UIMC1: variants seen among roughly 807,000 people sequenced by gnomAD.
The protein encoded by UIMC1 is ubiquitin interaction motif containing 1.
A neutral mutation model predicts 84.9 loss-of-function variants in UIMC1; 42 were observed. That is an observed-to-expected ratio of 0.49 (90% CI 0.39 to 0.64). The LOEUF (loss-of-function observed/expected upper bound fraction) is 0.64. Among genes scored for constraint, UIMC1 ranks in the 30% least tolerant of loss-of-function variants. UIMC1 has a pLI of 0.00. For synonymous variants in UIMC1, 281 were observed against 293.0 expected, an observed-to-expected ratio of 0.96 and a Z score of 0.42; for missense variants, 825 against 847.6, an observed-to-expected ratio of 0.97 and a Z score of 0.33.
intron 1 of UIMC1, among the ~76,000 whole-genome samples, chr5:176,994,728 G>A (rs1300739248): frequency 6.6e-6 from 1 of 152,086 alleles, no homozygotes. Flanking sequence ...GAATGGTGCG[G>A]TGGGAATGTG....
intron 10 of UIMC1, among the ~76,000 whole-genome samples, chr5:176,929,755 A>G (rs1161834693): frequency 6.6e-6 from 1 of 152,198 alleles, no homozygotes; most frequent in African/African-American, 2.4e-5. Context: ...ACACACACAC[A>G]AAGTCCTTTT....
chr5:177,008,012 G>C (rs1407372050), upstream of UIMC1, among the ~76,000 whole-genome samples: 7 of 151,816 alleles, frequency 4.6e-5, no homozygotes, highest in Non-Finnish European at 8.8e-5. Context: ...GGCTGAGGCA[G>C]GAAAATCGCT....
At chr5:176,948,656 G>A (rs1765436918) in intron 9 of UIMC1, among the ~76,000 whole-genome samples, 1 of 152,142 alleles carries the variant, frequency 6.6e-6, no homozygotes, top group South Asian at 2.1e-4. Flanking sequence ...TGTATCCCAA[G>A]AGTCTAAAAC....
At chr5:176,919,000 C>A (rs1047432575) in intron 10 of UIMC1, among the ~76,000 whole-genome samples, 2 of 152,224 alleles carry the variant, frequency 1.3e-5, no homozygotes, top group African/African-American at 4.8e-5. Context: ...TCGGTTCATT[C>A]TTCCATCCTC....
chr5:176,953,980 G>A (rs562765294), intron 8 of UIMC1, among the ~76,000 whole-genome samples: 2 of 152,258 alleles, frequency 1.3e-5, no homozygotes, highest in South Asian at 4.2e-4. Flanking sequence ...CAGGAGTTTG[G>A]CTTCATGGTG....
At chr5:176,958,043 T>C in intron 7 of UIMC1, 50 bp downstream of exon 7, 5 of 1,588,128 alleles carry the variant, frequency 3.1e-6, no homozygotes, top group Admixed American at 1.7e-5. Context: ...TCATCTCCCT[T>C]ATGCTGGCAA....
intron 10 of UIMC1, among the ~76,000 whole-genome samples, chr5:176,937,512 A>C (rs1235253113): frequency 6.6e-6 from 1 of 152,178 alleles, no homozygotes; most frequent in Non-Finnish European, 1.5e-5. Flanking sequence ...AAATAAAAAA[A>C]GAAACAAAAG....
intron 6 of UIMC1, among the ~76,000 whole-genome samples, chr5:176,965,983 G>C (rs187788927): frequency 2.0e-4 from 30 of 152,248 alleles, no homozygotes; most frequent in Admixed American, 1.6e-3. Flanking sequence ...TTTATCATAA[G>C]CATCATGTAA....
At chr5:176,983,492 C>T in intron 1 of UIMC1, among the ~76,000 whole-genome samples, 1 of 152,182 alleles carries the variant, frequency 6.6e-6, no homozygotes, top group Admixed American at 6.5e-5. Flanking sequence ...GCCTCGGCCT[C>T]CCGAGGTGCT....
chr5:176,949,842 GT>G (rs1765620224), intron 9 of UIMC1, among the ~76,000 whole-genome samples: 1 of 152,064 alleles, frequency 6.6e-6, no homozygotes, highest in Admixed American at 6.5e-5. Context: ...ATCACCTGAG[GT>G]CAGGAGTTTG....
chr5:176,970,118 A>G (rs1768970085), intron 4 of UIMC1: 1 of 174,018 alleles, frequency 5.7e-6, no homozygotes, highest in Non-Finnish European at 1.2e-5. Flanking sequence ...TGAAAATACA[A>G]AAAATTAGCT....
rs1768904490 is a variant in UIMC1, at chr5:176,969,694, A to G, written c.370T>C (p.Ser124Pro). The G allele has an allele frequency of 1.9e-6, 3 of 1,614,030 alleles. 1 individual carries two copies. In the South Asian group the frequency reaches 3.3e-5, roughly 18 times the overall value. The change falls in exon 5 of 15, where the codon TCT becomes CCT. Residue 124 changes from serine to proline, a missense_variant. Ser to Pro is a moderately conservative substitution (Grantham distance 74). Transcript: ENST00000511320. ...CGAGATCTGGTAGCGGAAGCATCAG[A>G]AGGCCGGCAACTCTGAAACAAGTGA... is the stretch of plus-strand genomic sequence containing the variant. Reference protein sequence around the residue: ...IAESLNSCRPSDASATRSRPL... With the variant: ...IAESLNSCRPPDASATRSRPL...
intron 10 of UIMC1, among the ~76,000 whole-genome samples, chr5:176,917,252 C>T (rs944603607): frequency 1.3e-5 from 2 of 152,226 alleles, no homozygotes; most frequent in Non-Finnish European, 2.9e-5. Flanking sequence ...ACCTCAGAGA[C>T]CAGTCTCAAT....
At chr5:176,910,065 T>TATA (rs1759921612) in intron 11 of UIMC1, among the ~76,000 whole-genome samples, 1 of 152,238 alleles carries the variant, frequency 6.6e-6, no homozygotes, top group Admixed American at 6.5e-5. Flanking sequence ...AAGCTGGGGA[T>TATA]ATAAACATGA....
intron 6 of UIMC1, 129 bp from the exon 7 acceptor site, chr5:176,958,283 T>A (rs1359281226): frequency 7.4e-6 from 5 of 676,784 alleles, no homozygotes; most frequent in Middle Eastern, 4.4e-4. Flanking sequence ...ATATTTTCCA[T>A]AAGCCAGTAA....
chr5:176,907,297 G>A (rs1759518543), intron 12 of UIMC1, 120 bp from the exon 13 acceptor site: 11 of 931,484 alleles, frequency 1.2e-5, no homozygotes, highest in East Asian at 2.7e-5. Flanking sequence ...CAGCTCTAGG[G>A]AAGTCTTTTG....
intron 3 of UIMC1, among the ~76,000 whole-genome samples, chr5:176,972,165 C>A (rs1236676243): frequency 6.6e-6 from 1 of 151,890 alleles, no homozygotes; most frequent in Non-Finnish European, 1.5e-5. Context: ...CTTTGGGAGG[C>A]CAAGGTAGGC....
upstream of UIMC1, among the ~76,000 whole-genome samples, chr5:177,011,054 T>C (rs941017968): frequency 6.6e-6 from 1 of 151,834 alleles, no homozygotes; most frequent in African/African-American, 2.4e-5. Flanking sequence ...TTAGCTGGAC[T>C]TGGGCTTGCA....
rs565495107 is a variant in UIMC1, at chr5:176,990,329, A to C, written c.-8-7706T>G. ...CCCTTCTGCCATGTGAAGACACAGC[A>C]AGAAGGTCCCATCTTTTAAGCACAG... On this transcript the variant is annotated intron_variant, in intron 1 of 14. Coordinates refer to ENST00000511320, the MANE Select transcript of UIMC1 (RefSeq NM_001199298.2). Among the ~76,000 whole-genome samples, 7 of 152,228 alleles carry C rather than the reference A, an allele frequency of 4.6e-5. No individual in the cohort carries two copies. In the South Asian group the frequency reaches 1.5e-3, roughly 32 times the overall value.
Sources: allele counts gnomAD v4.1 joint callset (sites outside exome capture counted in the v4.1 genomes callset), GRCh38; gene constraint gnomAD v4.1.1; transcripts MANE v1.5; gene names NCBI Gene and HGNC (gene_info 2026-07-23, HGNC 2026-07-21).